Variants in EIPR1 observed in about 807,000 individuals in gnomAD.
The protein encoded by EIPR1 is EARP and GARP complex-interacting protein 1.
In EIPR1, 25 loss-of-function variants were observed where a neutral mutation model predicts 48.1. The observed-to-expected ratio is 0.52, with a 90% CI of 0.38 to 0.73. The LOEUF is 0.73. Ranked by LOEUF, EIPR1 falls within the 30% of genes least tolerant of loss-of-function variation. The pLI, the probability that EIPR1 is intolerant of heterozygous loss-of-function variation, is 0.00. For synonymous variants in EIPR1, 204 were observed against 201.9 expected, an observed-to-expected ratio of 1.01 and a Z score of -0.09; for missense variants, 415 against 506.2, an observed-to-expected ratio of 0.82 and a Z score of 1.73.
At chr2:3,297,910 C>T (rs1668650376) in intron 3 of EIPR1, among the ~76,000 whole-genome samples, 1 of 152,160 alleles carries the variant, frequency 6.6e-6, no homozygotes, top group African/African-American at 2.4e-5. Context: ...CAAGATCTGC[C>T]TCCCGGGTTC....
intron 3 of EIPR1, among the ~76,000 whole-genome samples, chr2:3,322,427 G>A (rs948958945): frequency 2.0e-5 from 3 of 152,220 alleles, no homozygotes; most frequent in African/African-American, 7.2e-5. Context: ...GTCTAGAGCA[G>A]GAAATAGAAA....
chr2:3,368,960 C>A (rs538292555), intron 1 of EIPR1, among the ~76,000 whole-genome samples: 1 of 152,086 alleles, frequency 6.6e-6, no homozygotes, highest in Non-Finnish European at 1.5e-5. Context: ...CTTCACTCAG[C>A]GGTCAACGAT....
intron 3 of EIPR1, among the ~76,000 whole-genome samples, chr2:3,305,535 T>G (rs2103301026): frequency 6.6e-6 from 1 of 152,150 alleles, no homozygotes; most frequent in South Asian, 2.1e-4. Context: ...CCCATCCAGT[T>G]CAACCCTCCA....
chr2:3,275,608 T>C (rs1273854817), intron 3 of EIPR1, among the ~76,000 whole-genome samples: 1 of 151,932 alleles, frequency 6.6e-6, no homozygotes, highest in Non-Finnish European at 1.5e-5. Flanking sequence ...TATTAAACAA[T>C]CATATTCCTT....
At chr2:3,204,210 G>A (rs1324167583) in intron 5 of EIPR1, among the ~76,000 whole-genome samples, 1 of 152,194 alleles carries the variant, frequency 6.6e-6, no homozygotes, top group Non-Finnish European at 1.5e-5. Flanking sequence ...CCCAGGGAGA[G>A]TGGGTGAGCT....
In EIPR1 at chr2:3,344,440, A is replaced by G. The variant is rs114460360; in HGVS notation, c.127-6291T>C. ...CTTCACGCTTCAGCTCAGTGCTGAC[A>G]TGAACGTGACCTGCCAATCAAGAGA... On this transcript the variant is annotated intron_variant, in intron 2 of 8. Coordinates refer to ENST00000382125, the MANE Select transcript of EIPR1 (RefSeq NM_003310.5). 5.3e-3 allele frequency among the ~76,000 whole-genome samples: 800 copies of G among 152,278 alleles called. 10 individuals carry two copies. Among genetic ancestry groups the G allele is most frequent in the African/African-American group, 0.019 (770 of 41,554 alleles).
intron 2 of EIPR1, among the ~76,000 whole-genome samples, chr2:3,348,521 G>A (rs1670472396): frequency 6.6e-6 from 1 of 152,186 alleles, no homozygotes; most frequent in Non-Finnish European, 1.5e-5. Context: ...CCTCAAAGGA[G>A]AACCCCAGAA....
At chr2:3,204,506 A>G (rs752595) in intron 5 of EIPR1, among the ~76,000 whole-genome samples, 142,177 of 152,084 alleles carry the variant, frequency 0.93, 66,554 homozygotes, top group East Asian at 0.98. Context: ...CACAGGGTGC[A>G]ATGCATGCAG....
chr2:3,234,504 G>A (rs1240509257), intron 4 of EIPR1, among the ~76,000 whole-genome samples: 1 of 152,176 alleles, frequency 6.6e-6, no homozygotes, highest in Non-Finnish European at 1.5e-5. Context: ...GCTCCACACT[G>A]GGGAGGCCCA....
At position 3,376,157 on chromosome 2, in the gene EIPR1, C is replaced by A. The variant is rs1659872450; in HGVS notation, c.42+1491G>T. 2.0e-5 allele frequency among the ~76,000 whole-genome samples: 3 copies of A among 152,048 alleles called. No individual in the cohort carries two copies. The South Asian group carries it at 6.2e-4, about 32-fold the overall frequency. ...TCTCTCATTATAACAATTAGAACAACAATTATTGAACACACTATGCACCAG... is the reference window on the plus strand; with the variant it reads ...TCTCTCATTATAACAATTAGAACAAAAATTATTGAACACACTATGCACCAG... On this transcript the variant is annotated intron_variant, in intron 1 of 8. Transcript: ENST00000382125.
At chr2:3,265,918 G>C (rs1008962129) in intron 3 of EIPR1, among the ~76,000 whole-genome samples, 5 of 152,214 alleles carry the variant, frequency 3.3e-5, no homozygotes, top group African/African-American at 1.2e-4. Flanking sequence ...ACAGCCCCCT[G>C]CTTTGAAAGA....
chr2:3,311,570 A>C (rs530848397), intron 3 of EIPR1, among the ~76,000 whole-genome samples: 3 of 152,260 alleles, frequency 2.0e-5, no homozygotes, highest in Admixed American at 6.5e-5. Flanking sequence ...TAGTTCAAAA[A>C]ATGTTGAGGC....
intron 3 of EIPR1, among the ~76,000 whole-genome samples, chr2:3,292,406 T>C (rs1668397152): frequency 6.6e-6 from 1 of 152,034 alleles, no homozygotes; most frequent in South Asian, 2.1e-4. Flanking sequence ...CAGCCGGCTC[T>C]GTGCACCTCA....
chr2:3,332,523 G>T (rs1329602861), intron 3 of EIPR1, among the ~76,000 whole-genome samples: 1 of 152,136 alleles, frequency 6.6e-6, no homozygotes, highest in South Asian at 2.1e-4. Context: ...CTCCTCGGAG[G>T]CCAGCCTGCC....
intron 4 of EIPR1, among the ~76,000 whole-genome samples, chr2:3,255,987 T>C (rs1471414498): frequency 6.6e-6 from 1 of 151,964 alleles, no homozygotes; most frequent in Non-Finnish European, 1.5e-5. Context: ...GGGCGGGGAG[T>C]GACAGCAGTG....
At chr2:3,245,195 G>A (rs1162029941) in intron 4 of EIPR1, among the ~76,000 whole-genome samples, 5 of 151,488 alleles carry the variant, frequency 3.3e-5, no homozygotes, top group African/African-American at 9.7e-5. Context: ...TTACCGTTGC[G>A]TTGCGTTGCG....
chr2:3,252,847 C>T (rs1219693097), intron 4 of EIPR1, among the ~76,000 whole-genome samples: 2 of 152,172 alleles, frequency 1.3e-5, no homozygotes, highest in East Asian at 1.9e-4. Flanking sequence ...TTTTTAGGAT[C>T]TTCCTTAGCA....
intron 4 of EIPR1, among the ~76,000 whole-genome samples, chr2:3,246,371 A>G (rs902811776): frequency 6.6e-6 from 1 of 152,184 alleles, no homozygotes; most frequent in Non-Finnish European, 1.5e-5. Context: ...CTTTTTGAAC[A>G]AAATGCCCCC....
intron 3 of EIPR1, among the ~76,000 whole-genome samples, chr2:3,306,492 G>A (rs1668949035): frequency 6.6e-6 from 1 of 152,186 alleles, no homozygotes; most frequent in Admixed American, 6.5e-5. Context: ...AAAAATCTGT[G>A]TGTAACTTTT....
Sources: gnomAD v4.1 joint callset for allele counts (sites outside exome capture counted in the v4.1 genomes callset) on GRCh38, gnomAD v4.1.1 for gene constraint, MANE v1.5 for transcripts, NCBI Gene and HGNC (gene_info 2026-07-23, HGNC 2026-07-21) for gene names.